The following USP48 variants were observed in gnomAD, a reference collection of about 807,000 sequenced individuals.
The protein encoded by USP48 is ubiquitin specific peptidase 48.
USP48 carries 43 observed loss-of-function variants against 150.7 expected under a neutral mutation model. The observed-to-expected ratio is 0.29, with a 90% CI of 0.22 to 0.37. USP48 has a LOEUF of 0.37. Ranked by LOEUF, USP48 falls within the 10% of genes least tolerant of loss-of-function variation. The pLI is 1.00. For synonymous variants in USP48, 396 were observed against 425.9 expected, an observed-to-expected ratio of 0.93 and a Z score of 0.86; for missense variants, 813 against 1,249.6, an observed-to-expected ratio of 0.65 and a Z score of 5.27.
At chr1:21,679,852 C>A (rs1299373123) in intron 26 of USP48, among the ~76,000 whole-genome samples, 3 of 152,196 alleles carry the variant, frequency 2.0e-5, no homozygotes, top group Admixed American at 6.5e-5. Flanking sequence ...CGCCACCATG[C>A]CCGGCTAATT....
intron 3 of USP48, among the ~76,000 whole-genome samples, chr1:21,754,189 G>C (rs2097825312): frequency 6.6e-6 from 1 of 151,984 alleles, no homozygotes; most frequent in Admixed American, 6.6e-5. Context: ...AATAGAATTA[G>C]CAACCATGTT....
At position 21,689,990 on chromosome 1, in the gene USP48, G is replaced by C. The variant is rs956787413; in HGVS notation, c.2993C>G (p.Ser998Cys). 3 of 1,613,732 alleles carry C rather than the reference G, an allele frequency of 1.9e-6. No individual in the cohort carries two copies. Among genetic ancestry groups the C allele is most frequent in the African/African-American group, 1.3e-5 (1 of 74,888 alleles). The stretch of plus-strand genomic sequence containing the variant: ...TTTACTTACCTTCAATAAAATGACA[G>C]ATTCAGGAATGACGCCAAGGGTGCC... Reference protein sequence around the residue: ...TLGTLGVIPESVILLKADEPI... With the variant: ...TLGTLGVIPECVILLKADEPI... Residue 998 changes from serine (S) to cysteine (C), a missense_variant, in exon 24 of 27, where the codon TCT becomes TGT. By Grantham distance (112) the Ser-to-Cys change is moderately radical (BLOSUM62 -1). Transcript: ENST00000308271.
intron 2 of USP48, 129 bp downstream of exon 2, chr1:21,757,534 C>A: frequency 2.0e-6 from 2 of 1,006,112 alleles, no homozygotes; most frequent in South Asian, 3.9e-5. Flanking sequence ...GTCTTAAGTT[C>A]TACTGCTTAT....
At chr1:21,766,689 TTTTA>T in intron 1 of USP48, among the ~76,000 whole-genome samples, 1 of 152,284 alleles carries the variant, frequency 6.6e-6, no homozygotes, top group African/African-American at 2.4e-5. Flanking sequence ...GTTTCTTAGT[TTTTA>T]TTTATTTATT....
At chr1:21,766,942 T>C (rs940005136) in intron 1 of USP48, among the ~76,000 whole-genome samples, 4 of 152,078 alleles carry the variant, frequency 2.6e-5, no homozygotes, top group African/African-American at 9.7e-5. Flanking sequence ...CGGGCATCTA[T>C]AAACCCAGCT....
chr1:21,750,045 T>C (rs333192), intron 6 of USP48, among the ~76,000 whole-genome samples: 10,919 of 152,210 alleles, frequency 0.072, 473 homozygotes, highest in Middle Eastern at 0.11. Flanking sequence ...TCAGCACCCA[T>C]AGTTATCCCT....
intron 9 of USP48, among the ~76,000 whole-genome samples, chr1:21,732,398 CCT>C: frequency 6.6e-6 from 1 of 152,264 alleles, no homozygotes; most frequent in South Asian, 2.1e-4. Context: ...ATGGTTTCTA[CCT>C]CTCTTTTCAC....
At chr1:21,719,144 T>A (rs1187470322) in intron 14 of USP48, among the ~76,000 whole-genome samples, 5 of 120,272 alleles carry the variant, frequency 4.2e-5, no homozygotes, top group Non-Finnish European at 6.4e-5. Flanking sequence ...ACATGTGTAA[T>A]CCCAGCTACT....
chr1:21,749,068 G>C (rs2097802422), intron 6 of USP48, among the ~76,000 whole-genome samples: 1 of 152,152 alleles, frequency 6.6e-6, no homozygotes, highest in Non-Finnish European at 1.5e-5. Flanking sequence ...CATTTTAGCT[G>C]ATAGTGGTTT....
chr1:21,696,166 T>C (rs1311854790), intron 22 of USP48, among the ~76,000 whole-genome samples: 1 of 152,202 alleles, frequency 6.6e-6, no homozygotes, highest in Admixed American at 6.5e-5. Flanking sequence ...GAGCCTGGCA[T>C]GGTGGCTCAC....
rs111927973 is a variant in USP48 at position 21,781,295 on chromosome 1, C to A, written c.134+1529G>T. On this transcript the variant is annotated intron_variant, in intron 1 of 26. Transcript: ENST00000308271. The stretch of plus-strand genomic sequence containing the variant: ...ATAAAAATAATAAAAAAAAATTAGC[C>A]GGGCATGATGGTGCATGCCTGTAAT... Among the ~76,000 whole-genome samples the A allele has an allele frequency of 6.8e-3, 1,036 of 151,766 alleles. 9 individuals carry two copies. The highest frequency in any genetic ancestry group is 0.024 in the African/African-American group (977 of 41,464).
At chr1:21,757,606 A>G in intron 2 of USP48, 57 bp downstream of exon 2, 1 of 1,574,806 alleles carries the variant, frequency 6.3e-7, no homozygotes, top group Non-Finnish European at 8.6e-7. Context: ...CCAAAACAAA[A>G]GCAAAAACAA....
At chr1:21,701,034 C>CA (rs944560322) in intron 22 of USP48, among the ~76,000 whole-genome samples, 87 of 143,578 alleles carry the variant, frequency 6.1e-4, no homozygotes, top group African/African-American at 2.1e-3. Flanking sequence ...CACTGTACTC[C>CA]AGCCTGGTTG....
chr1:21,703,430 C>A, intron 21 of USP48, 82 bp downstream of exon 21: 2 of 1,050,898 alleles, frequency 1.9e-6, no homozygotes, highest in South Asian at 1.4e-5. Flanking sequence ...CCTAGGCAGA[C>A]CCTCAGTGCA....
Position 21,706,769 on chromosome 1 carries a change from T to A in USP48, c.2063A>T (p.Tyr688Phe), listed in dbSNP as rs747313929. Residue 688 changes from tyrosine (Y) to phenylalanine (F), a missense_variant, in exon 16 of 27, where the codon TAC (tyrosine) becomes TTC (phenylalanine). Tyr to Phe is a conservative substitution (Grantham distance 22, BLOSUM62 3). Transcript: ENST00000308271. Reference sequence around the variant, plus strand: ...CTTGCACTGTGAACAGCACTCTTTGTAACTTGGAAACTCAGGAGCCTTTGG... The same window carrying A: ...CTTGCACTGTGAACAGCACTCTTTGAAACTTGGAAACTCAGGAGCCTTTGG... ...YFPKAPEFPS[Y>F]KECCSQCKIL... is the part of the protein sequence containing the mutation. The A allele has an allele frequency of 1.2e-6, 2 of 1,612,818 alleles. No individual in the cohort carries two copies. Among genetic ancestry groups the A allele is most frequent in the African/African-American group, 2.7e-5 (2 of 74,810 alleles).
At chr1:21,710,951 C>A (rs909947045) in intron 15 of USP48, among the ~76,000 whole-genome samples, 2 of 152,038 alleles carry the variant, frequency 1.3e-5, no homozygotes, top group African/African-American at 4.8e-5. Flanking sequence ...AGGACTACAG[C>A]CGTGTGCCAC....
At chr1:21,753,146 G>A in intron 3 of USP48, 27 bp from the exon 4 acceptor site, 1 of 1,578,446 alleles carries the variant, frequency 6.3e-7, no homozygotes, top group African/African-American at 1.4e-5. Context: ...ATAGATTTGG[G>A]GTTTTTTAAG....
chr1:21,779,461 G>A (rs552761106), intron 1 of USP48, among the ~76,000 whole-genome samples: 228 of 151,824 alleles, frequency 1.5e-3, no homozygotes, highest in African/African-American at 5.4e-3. Context: ...CACAAGAATC[G>A]CTTGAACCTA....
chr1:21,731,609 G>A (rs571661478), intron 9 of USP48, among the ~76,000 whole-genome samples: 8 of 151,320 alleles, frequency 5.3e-5, no homozygotes, highest in African/African-American at 1.7e-4. Context: ...GGCCAGGTGC[G>A]GTGGCTCATG....
Sources: gnomAD v4.1 joint callset for allele counts (sites outside exome capture counted in the v4.1 genomes callset) on GRCh38, gnomAD v4.1.1 for gene constraint, MANE v1.5 for transcripts, NCBI Gene and HGNC (gene_info 2026-07-23, HGNC 2026-07-21) for gene names.